SOS2: variants seen among roughly 807,000 people sequenced by gnomAD.
SOS2 encodes SOS Ras/Rho guanine nucleotide exchange factor 2.
SOS2 carries 65 observed loss-of-function variants against 148.2 expected under a neutral mutation model. The observed-to-expected ratio is 0.44, with a 90% CI of 0.36 to 0.54. SOS2 has a LOEUF of 0.54. SOS2 is among the 20% of genes least tolerant of loss of function. The probability of loss-of-function intolerance (pLI) is 0.00; values close to 1 mark genes in which losing one functional copy is unlikely to be tolerated. For missense variants in SOS2, 1,341 were observed against 1,590.2 expected (o/e 0.84, Z 2.67); for synonymous variants, 539 against 537.1 (o/e 1.00, Z -0.05).
intron 21 of SOS2, among the ~76,000 whole-genome samples, chr14:50,126,184 G>A (rs1883674408): frequency 6.6e-6 from 1 of 152,094 alleles, no homozygotes; most frequent in African/African-American, 2.4e-5. Context: ...ATACAAGAAA[G>A]GAGGTCAGAA....
intron 4 of SOS2, among the ~76,000 whole-genome samples, chr14:50,189,331 C>CAAAAAAAACAAAAAAAAAAA (rs1886040481): frequency 3.2e-5 from 1 of 31,486 alleles, no homozygotes; most frequent in Non-Finnish European, 6.6e-5. Context: ...CACATAATAG[C>CAAAAAAAACAAAAAAAAAAA]AAAAAAAAAA....
At chr14:50,214,823 G>A (rs1886994120) in intron 1 of SOS2, among the ~76,000 whole-genome samples, 1 of 149,778 alleles carries the variant, frequency 6.7e-6, no homozygotes, top group South Asian at 2.1e-4. Context: ...CTGAGGCAAG[G>A]TTGTTTCTTT....
chr14:50,230,637 A>C (rs949911750), intron 1 of SOS2, among the ~76,000 whole-genome samples: 3 of 152,208 alleles, frequency 2.0e-5, no homozygotes, highest in African/African-American at 4.8e-5. Flanking sequence ...AACAGGTAAG[A>C]CACCGTTTGC....
At chr14:50,229,621 C>T (rs912090251) in intron 1 of SOS2, among the ~76,000 whole-genome samples, 1 of 151,912 alleles carries the variant, frequency 6.6e-6, no homozygotes, top group African/African-American at 2.4e-5. Context: ...CCAGCCTGGG[C>T]AACATAGCAT....
intron 5 of SOS2, among the ~76,000 whole-genome samples, chr14:50,183,092 T>C (rs540520399): frequency 6.6e-6 from 1 of 152,346 alleles, no homozygotes; most frequent in East Asian, 1.9e-4. Context: ...GAAAACTCAT[T>C]CTTTGTAAAA....
intron 4 of SOS2, among the ~76,000 whole-genome samples, chr14:50,195,887 C>T (rs1339434895): frequency 6.6e-6 from 1 of 152,004 alleles, no homozygotes; most frequent in Non-Finnish European, 1.5e-5. Context: ...ATCAGCCAGG[C>T]ATGGTGGTGG....
chr14:50,209,319 G>GTGTGTGTGTGTGTGTGTC (rs1566481183), intron 1 of SOS2, among the ~76,000 whole-genome samples: 1 of 139,398 alleles, frequency 7.2e-6, no homozygotes, highest in African/African-American at 2.8e-5. Context: ...GTGTGTGTGT[G>GTGTGTGTGTGTGTGTGTC]TGTCTCCTAT....
Position 50,160,083 on chromosome 14 carries a change from A to T in SOS2, c.1200T>A (p.Asp400Glu), listed in dbSNP as rs1884945403. 17 of 1,606,488 alleles carry T rather than the reference A, an allele frequency of 1.1e-5. No homozygotes were observed. The East Asian group carries it at 3.6e-4, about 34-fold the overall frequency. Residue 400 changes from aspartate (D) to glutamate (E), a missense_variant, in exon 10 of 23, where the codon GAT becomes GAA. Around this residue, in one of 4 missense-constraint regions of SOS2, gnomAD observed 574 missense variants for 711.1 expected, o/e 0.81. Coordinates refer to ENST00000216373, the MANE Select transcript of SOS2 (RefSeq NM_006939.4). ...GGTGACTATAAAAAGGGCAAACAGG[A>T]TCTCTAGAAAAAACAAACAATATAG... ...KQYSPRRRPGDPVCPFYSHQL... is the reference protein window; with the variant it reads ...KQYSPRRRPGEPVCPFYSHQL...
chr14:50,168,413 G>C (rs1331986619), intron 8 of SOS2, among the ~76,000 whole-genome samples: 2 of 152,104 alleles, frequency 1.3e-5, no homozygotes, highest in Non-Finnish European at 2.9e-5. Flanking sequence ...GTAGAGATGA[G>C]GTCTCACTAT....
At chr14:50,218,928 T>C (rs1274020616) in intron 1 of SOS2, among the ~76,000 whole-genome samples, 1 of 151,938 alleles carries the variant, frequency 6.6e-6, no homozygotes. Context: ...TCCTGGCCAA[T>C]ACAGTGAAAC....
chr14:50,196,682 A>G (rs1009263342), intron 4 of SOS2, among the ~76,000 whole-genome samples: 2 of 152,202 alleles, frequency 1.3e-5, no homozygotes, highest in Admixed American at 6.5e-5. Context: ...GCTTGATTTA[A>G]TTATTCCACA....
chr14:50,140,181 G>A, intron 16 of SOS2, 122 bp from the exon 17 acceptor site: 1 of 565,476 alleles, frequency 1.8e-6, no homozygotes, highest in Non-Finnish European at 3.2e-6. Context: ...TACATTAAAA[G>A]ATGAGTGGTA....
chr14:50,120,443 C>T (rs777417385), intron 21 of SOS2, 59 bp from the exon 22 acceptor site: 1 of 807,918 alleles, frequency 1.2e-6, no homozygotes, highest in Non-Finnish European at 2.1e-6. Flanking sequence ...ACCTTTATCA[C>T]AATTTGTGAT....
chr14:50,141,780 T>C (rs915009531), intron 16 of SOS2, among the ~76,000 whole-genome samples: 5 of 152,108 alleles, frequency 3.3e-5, no homozygotes, highest in East Asian at 1.9e-4. Context: ...AAAATGTATA[T>C]AGGAGAACAA....
intron 4 of SOS2, among the ~76,000 whole-genome samples, chr14:50,199,249 A>G (rs887933313): frequency 6.6e-6 from 1 of 152,222 alleles, no homozygotes; most frequent in Non-Finnish European, 1.5e-5. Flanking sequence ...CCAGGAAAGA[A>G]GACAGATATA....
chr14:50,163,824 T>C (rs2139644356), intron 8 of SOS2, among the ~76,000 whole-genome samples: 1 of 152,334 alleles, frequency 6.6e-6, no homozygotes. Context: ...ATCTAAATTA[T>C]CACCAGTAGT....
intron 8 of SOS2, among the ~76,000 whole-genome samples, chr14:50,173,294 T>C: frequency 6.6e-6 from 1 of 152,214 alleles, no homozygotes; most frequent in East Asian, 1.9e-4. Context: ...ATAATAATTC[T>C]ATGTATACCT....
At chr14:50,177,472 C>G (rs1885562796) in intron 7 of SOS2, among the ~76,000 whole-genome samples, 1 of 151,904 alleles carries the variant, frequency 6.6e-6, no homozygotes, top group Admixed American at 6.6e-5. Flanking sequence ...TTTCATCTAA[C>G]TCTTCCAATT....
intron 1 of SOS2, among the ~76,000 whole-genome samples, chr14:50,206,702 T>C (rs1158591819): frequency 1.3e-5 from 2 of 152,362 alleles, no homozygotes; most frequent in Non-Finnish European, 2.9e-5. Flanking sequence ...CTTAAGAATC[T>C]AGAAGCAAAT....
Sources: gnomAD v4.1 joint callset for allele counts (sites outside exome capture counted in the v4.1 genomes callset) on GRCh38, gnomAD v4.1.1 for gene constraint, gnomAD v4.1.1 regional missense constraint, MANE v1.5 for transcripts, NCBI Gene and HGNC (gene_info 2026-07-23, HGNC 2026-07-21) for gene names.